Variants in NR6A1 observed in about 807,000 individuals in gnomAD.
NR6A1 encodes the protein nuclear receptor subfamily 6 group A member 1, also known as retinoic acid receptor-related testis-associated receptor.
A neutral mutation model predicts 59.1 loss-of-function variants in NR6A1; 7 were observed. The observed-to-expected ratio is 0.12, with a 90% confidence interval of 0.07 to 0.22. NR6A1 has a LOEUF of 0.22. Ranked by LOEUF, NR6A1 falls within the 10% of genes least tolerant of loss-of-function variation. The pLI, the probability that NR6A1 is intolerant of heterozygous loss-of-function variation, is 1.00. For synonymous variants in NR6A1, 243 were observed against 236.1 expected (o/e 1.03, Z -0.27); for missense variants, 468 against 611.6 (o/e 0.77, Z 2.48).
chr9:124,568,318 T>C (rs1407049388), intron 2 of NR6A1, among the ~76,000 whole-genome samples: 1 of 151,362 alleles, frequency 6.6e-6, no homozygotes, highest in African/African-American at 2.4e-5. Context: ...AAACCCCGTC[T>C]CTACTAAAAA....
intron 2 of NR6A1, among the ~76,000 whole-genome samples, chr9:124,715,039 A>G (rs1839376128): frequency 6.6e-6 from 1 of 152,004 alleles, no homozygotes; most frequent in Admixed American, 6.6e-5. Context: ...CACTACTAAA[A>G]ATAAAAAAAC....
At position 124,741,715 on chromosome 9, in the gene NR6A1, G is replaced by A. The variant is rs529052562; in HGVS notation, c.101-8366C>T. Among the ~76,000 whole-genome samples, 91 of 152,338 alleles carry A rather than the reference G, an allele frequency of 6.0e-4. 1 individual carries two copies. The South Asian group carries it at 0.018, about 31-fold the overall frequency. On this transcript the variant is annotated intron_variant, in intron 1 of 9. Coordinates refer to ENST00000487099, the MANE Select transcript of NR6A1 (RefSeq NM_033334.4). ...GGGACAGATGGACATGATACACTGG[G>A]AAGCAGTGCAGAGTAGAAAGAGCAT... is the stretch of plus-strand genomic sequence containing the variant.
chr9:124,611,693 G>A lies in NR6A1; in HGVS notation c.143-57123C>T, dbSNP rs550316873. Among the ~76,000 whole-genome samples the A allele has an allele frequency of 5.8e-4, 88 of 150,566 alleles. 1 individual carries two copies. In the South Asian group the frequency reaches 0.018, roughly 31 times the overall value. On this transcript the variant is annotated intron_variant, in intron 2 of 9. Transcript: ENST00000487099. ...GAGCCTAGGAGGTCGAGGCTCCAGTGAGCCGTGATTACACCACTGTGCTCC... is the reference window on the plus strand; with the variant it reads ...GAGCCTAGGAGGTCGAGGCTCCAGTAAGCCGTGATTACACCACTGTGCTCC...
intron 2 of NR6A1, among the ~76,000 whole-genome samples, chr9:124,646,114 A>T (rs141932486): frequency 8.5e-4 from 130 of 152,358 alleles, no homozygotes; most frequent in Middle Eastern, 3.4e-3. Flanking sequence ...CAATGAAAGT[A>T]GTGCTTGGAG....
intron 1 of NR6A1, among the ~76,000 whole-genome samples, chr9:124,769,631 TCG>T (rs1841049812): frequency 6.6e-6 from 1 of 152,242 alleles, no homozygotes; most frequent in African/African-American, 2.4e-5. Context: ...TAGACACTGT[TCG>T]GTCCTAGATC....
intron 1 of NR6A1, among the ~76,000 whole-genome samples, chr9:124,751,813 C>A (rs1021048491): frequency 6.6e-6 from 1 of 152,184 alleles, no homozygotes; most frequent in Non-Finnish European, 1.5e-5. Flanking sequence ...TCCTCAATTT[C>A]TTTCAAAGTA....
At chr9:124,528,571 C>T (rs1423284820) in intron 7 of NR6A1, among the ~76,000 whole-genome samples, 1 of 151,800 alleles carries the variant, frequency 6.6e-6, no homozygotes, top group East Asian at 1.9e-4. Flanking sequence ...CATGGTAGTG[C>T]GTGCCTGTGG....
chr9:124,693,868 G>A, intron 2 of NR6A1: 1 of 482,132 alleles, frequency 2.1e-6, no homozygotes, highest in East Asian at 6.1e-5. Flanking sequence ...AGTGGGAGCT[G>A]CTACTATTTC....
intron 1 of NR6A1, among the ~76,000 whole-genome samples, chr9:124,746,611 C>A (rs1239764146): frequency 6.6e-6 from 1 of 151,872 alleles, no homozygotes; most frequent in Non-Finnish European, 1.5e-5. Context: ...GAAAAAAAAA[C>A]AATAATTCCA....
intron 3 of NR6A1, among the ~76,000 whole-genome samples, chr9:124,550,031 G>A (rs558531658): frequency 6.6e-6 from 1 of 152,224 alleles, no homozygotes; most frequent in South Asian, 2.1e-4. Context: ...TCAAATGTCA[G>A]TTATTCTGAA....
intron 2 of NR6A1, among the ~76,000 whole-genome samples, chr9:124,574,828 C>T (rs907056785): frequency 1.3e-5 from 2 of 152,092 alleles, no homozygotes; most frequent in Non-Finnish European, 2.9e-5. Flanking sequence ...TTGGATACTA[C>T]GTTTTAAATG....
intron 2 of NR6A1, among the ~76,000 whole-genome samples, chr9:124,682,525 A>C (rs1564234969): frequency 6.6e-6 from 1 of 152,240 alleles, no homozygotes; most frequent in Non-Finnish European, 1.5e-5. Context: ...GATCTGCAAA[A>C]ATGTAAAACA....
intron 2 of NR6A1, among the ~76,000 whole-genome samples, chr9:124,668,648 G>A (rs144620433): frequency 6.6e-6 from 1 of 152,184 alleles, no homozygotes; most frequent in Non-Finnish European, 1.5e-5. Context: ...ACAATCATTT[G>A]TTCACTTACA....
At chr9:124,541,969 A>G (rs563799708) in intron 4 of NR6A1, among the ~76,000 whole-genome samples, 1 of 152,224 alleles carries the variant, frequency 6.6e-6, no homozygotes, top group African/African-American at 2.4e-5. Context: ...TAAAGTAGTC[A>G]AACTCTTATA....
rs1389553673 is a variant in NR6A1, at chr9:124,522,552, AACAG to A, written c.*149_*152del. The A allele has an allele frequency of 1.3e-5, 7 of 527,624 alleles. No individual in the cohort carries two copies. The highest frequency in any genetic ancestry group is 2.5e-5 in the South Asian group (1 of 40,088). The allele number at this position is 527,624 out of a possible 1,614,324, so 32.7% of individuals were successfully genotyped here. On this transcript the variant is annotated 3_prime_UTR_variant, in exon 10 of 10. Coordinates refer to ENST00000487099, the MANE Select transcript of NR6A1 (RefSeq NM_033334.4). ...ATATATAGAAAAATGAGGTTAAAAA[AACAG>A]ACAAACAAACAAAAACTCTTCTTGC...
intron 2 of NR6A1, among the ~76,000 whole-genome samples, chr9:124,568,918 C>A (rs1834357333): frequency 1.3e-5 from 2 of 151,812 alleles, no homozygotes; most frequent in South Asian, 4.1e-4. Flanking sequence ...TCGAGACCAT[C>A]CTGGCTAACA....
At chr9:124,673,473 G>A (rs1308714474) in intron 2 of NR6A1, among the ~76,000 whole-genome samples, 3 of 151,372 alleles carry the variant, frequency 2.0e-5, no homozygotes, top group Non-Finnish European at 4.4e-5. Context: ...ATAAACTAAA[G>A]TACAATACCT....
Position 124,689,472 on chromosome 9 carries a change from T to C in NR6A1, c.142+43836A>G, listed in dbSNP as rs756233084. On this transcript the variant is annotated intron_variant, in intron 2 of 9. Coordinates refer to ENST00000487099, the MANE Select transcript of NR6A1 (RefSeq NM_033334.4). The stretch of plus-strand genomic sequence containing the variant: ...TTTGGAAAAGTTTATTATAATAAGG[T>C]ATTTCATTTATTCTATTCTCGCACA... 2.8e-4 allele frequency among the ~76,000 whole-genome samples: 43 copies of C among 152,336 alleles called. No individual in the cohort carries two copies. The Middle Eastern group carries it at 0.01, about 36-fold the overall frequency.
intron 4 of NR6A1, among the ~76,000 whole-genome samples, chr9:124,542,690 T>C (rs1246114740): frequency 6.6e-6 from 1 of 152,238 alleles, no homozygotes; most frequent in Non-Finnish European, 1.5e-5. Flanking sequence ...TCTTGGCTCA[T>C]ACCAGTAACA....
Sources: allele counts gnomAD v4.1 joint callset (sites outside exome capture counted in the v4.1 genomes callset), GRCh38; gene constraint gnomAD v4.1.1; transcripts MANE v1.5; gene names NCBI Gene and HGNC (gene_info 2026-07-23, HGNC 2026-07-21).